MED14: variants seen among roughly 807,000 people sequenced by gnomAD.
MED14 encodes mediator of RNA polymerase II transcription subunit 14.
Under a neutral mutation model 109.0 loss-of-function variants are expected in MED14, and 8 were observed. The ratio of observed to expected loss-of-function variants is 0.07; its 90% CI spans 0.04 to 0.13. The LOEUF (loss-of-function observed/expected upper bound fraction) is 0.13, where lower values mean the gene tolerates loss of function less well. Among genes scored for constraint, MED14 ranks in the 10% least tolerant of loss-of-function variants. MED14 has a pLI of 1.00. For synonymous variants in MED14, 399 were observed against 408.7 expected (o/e 0.98, Z 0.29); for missense variants, 711 against 1,142.4 (o/e 0.62, Z 5.44).
chrX:40,713,732 C>T (rs1181195496), intron 5 of MED14, 46 bp downstream of exon 5: 2 of 1,194,193 alleles, frequency 1.7e-6, no homozygotes, highest in Admixed American at 2.2e-5. Flanking sequence ...CATGAGCCAC[C>T]GCACCTGGCC....
chrX:40,704,471 C>T (rs2146696951), intron 10 of MED14, among the ~76,000 whole-genome samples: 1 of 112,157 alleles, frequency 8.9e-6, no homozygotes, highest in South Asian at 3.7e-4. Flanking sequence ...GCAGGCCTTT[C>T]ACCAGGCGTG....
At position 40,662,863 on chromosome X, in the gene MED14, C is replaced by A. The variant is rs1929339633; in HGVS notation, c.3684+62G>T. ...TCACGTTAGTTCAGATCCTATCCTGCAGGACAATTTAGCATTTTACCCTTA... is the reference window on the plus strand; with the variant it reads ...TCACGTTAGTTCAGATCCTATCCTGAAGGACAATTTAGCATTTTACCCTTA... On this transcript the variant is annotated intron_variant, in intron 26 of 30. Coordinates refer to ENST00000324817, the MANE Select transcript of MED14 (RefSeq NM_004229.4). 4.6e-6 allele frequency: 4 copies of A among 872,864 alleles called. No individual in the cohort carries two copies. In the East Asian group the frequency reaches 1.3e-4, roughly 29 times the overall value. 71.9% of individuals were successfully genotyped at this position (872,864 alleles called of 1,213,427 possible). A position where few individuals can be genotyped will look rare whatever the true frequency, so the allele number is the denominator to read the frequency against.
chrX:40,726,993 C>A, intron 2 of MED14, 142 bp from the exon 3 acceptor site: 1 of 477,503 alleles, frequency 2.1e-6, no homozygotes. Context: ...AAATATTTAT[C>A]TAAATATGAA....
chrX:40,649,797 AT>A lies in MED14; in HGVS notation c.*2008del. The A allele has an allele frequency of 1.2e-6, 1 of 809,712 alleles. No homozygotes were observed. The highest frequency in any genetic ancestry group is 1.5e-6 in the Non-Finnish European group (1 of 667,449). 66.7% of individuals were successfully genotyped at this position (809,712 alleles called of 1,213,427 possible). On this transcript the variant is annotated 3_prime_UTR_variant, in exon 31 of 31. Coordinates refer to ENST00000324817, the MANE Select transcript of MED14 (RefSeq NM_004229.4). ...TACCAAGCATAATATAAAAATTCAA[AT>A]TCATGGGTTTACTCTTAATAAGCAT...
At chrX:40,683,313 A>C (rs779628573) in intron 16 of MED14, among the ~76,000 whole-genome samples, 23 of 112,107 alleles carry the variant, frequency 2.1e-4, no homozygotes, top group African/African-American at 7.1e-4. Context: ...ATCCTCAAGG[A>C]AAAGCTAAGG....
chrX:40,672,007 CCAACCG>C (rs750401300), intron 22 of MED14, 35 bp from the exon 23 acceptor site: 3 of 912,328 alleles, frequency 3.3e-6, no homozygotes, highest in Middle Eastern at 5.4e-4. Flanking sequence ...GGTAAAATGG[CCAACCG>C]CACGGAGCAT....
At chrX:40,733,164 G>A (rs1295453934) in intron 1 of MED14, among the ~76,000 whole-genome samples, 1 of 107,258 alleles carries the variant, frequency 9.3e-6, no homozygotes, top group African/African-American at 3.4e-5. Context: ...GAGTGCAGTG[G>A]TGCGAACATG....
intron 1 of MED14, among the ~76,000 whole-genome samples, chrX:40,731,389 C>T (rs1245035469): frequency 2.7e-5 from 3 of 111,220 alleles, no homozygotes; most frequent in African/African-American, 6.5e-5. Context: ...AAGTATACCT[C>T]GAACACTGGC....
intron 6 of MED14, among the ~76,000 whole-genome samples, 181 bp from the exon 7 acceptor site, chrX:40,712,474 A>C (rs1307226218): frequency 8.9e-6 from 1 of 112,255 alleles, no homozygotes; most frequent in Non-Finnish European, 1.9e-5. Context: ...GGCAGTTACA[A>C]TTATAAAACT....
At chrX:40,656,907 A>G (rs891974242) in intron 28 of MED14, among the ~76,000 whole-genome samples, 1 of 112,017 alleles carries the variant, frequency 8.9e-6, no homozygotes, top group Non-Finnish European at 1.9e-5. Context: ...TTATTTTTTG[A>G]GACGGAGTCT....
chrX:40,735,830 T>C (rs190809214), upstream of MED14: 7 of 319,365 alleles, frequency 2.2e-5, no homozygotes, highest in Admixed American at 2.0e-4. Context: ...ACCGCAGCGC[T>C]GGGGGGCGCG....
chrX:40,732,685 C>CA (rs1388922000), intron 1 of MED14, among the ~76,000 whole-genome samples: 1 of 110,220 alleles, frequency 9.1e-6, no homozygotes, highest in African/African-American at 3.3e-5. Context: ...GAGGCTGAGG[C>CA]AGGAGGAGCA....
At chrX:40,666,173 C>T (rs754801326) in intron 24 of MED14, among the ~76,000 whole-genome samples, 1 of 111,715 alleles carries the variant, frequency 9.0e-6, no homozygotes, top group South Asian at 3.7e-4. Context: ...CATGTATTTG[C>T]TTGTGTATGC....
rs1293978950 is a variant in MED14 at position 40,650,740 on chromosome X, T to A, written c.*1066A>T. On this transcript the variant is annotated 3_prime_UTR_variant, in exon 31 of 31. Transcript: ENST00000324817. ...GGTTTCTTCCAAGCAAAACATTCTATCGTTTTGTTGACAATGAATTAAATT... is the reference window on the plus strand; with the variant it reads ...GGTTTCTTCCAAGCAAAACATTCTAACGTTTTGTTGACAATGAATTAAATT... 1.3e-6 allele frequency: 1 copy of A among 751,906 alleles called. No individual in the cohort carries two copies. The allele number at this position is 751,906 out of a possible 1,213,427, so 62.0% of individuals were successfully genotyped here. A position where few individuals can be genotyped will look rare whatever the true frequency, so the allele number is the denominator to read the frequency against.
At chrX:40,695,076 G>C (rs1009799599) in intron 13 of MED14, among the ~76,000 whole-genome samples, 7 of 111,683 alleles carry the variant, frequency 6.3e-5, no homozygotes, top group African/African-American at 2.3e-4. Context: ...GAATGTCAAA[G>C]GTATTATGCT....
intron 10 of MED14, among the ~76,000 whole-genome samples, chrX:40,706,627 AT>A (rs1931152325): frequency 8.9e-6 from 1 of 111,977 alleles, no homozygotes; most frequent in Admixed American, 9.5e-5. Flanking sequence ...ACAAAAAGGA[AT>A]TTTACACTTG....
intron 28 of MED14, among the ~76,000 whole-genome samples, chrX:40,658,603 C>A (rs1312093437): frequency 9.4e-6 from 1 of 106,191 alleles, no homozygotes; most frequent in African/African-American, 3.5e-5. Flanking sequence ...GTAATCCCAG[C>A]ACTTTGGGAG....
chrX:40,733,440 C>T (rs1932150133), intron 1 of MED14, among the ~76,000 whole-genome samples: 1 of 111,923 alleles, frequency 8.9e-6, no homozygotes, highest in Admixed American at 9.5e-5. Context: ...GATGGGGAAC[C>T]ATCGAAGGGT....
chrX:40,678,578 G>C (rs1929996452), intron 21 of MED14, among the ~76,000 whole-genome samples: 1 of 110,998 alleles, frequency 9.0e-6, no homozygotes. Flanking sequence ...ACTGAGAGCA[G>C]CCTGGAAGGG....
Sources: gnomAD v4.1 joint callset for allele counts (sites outside exome capture counted in the v4.1 genomes callset) on GRCh38, gnomAD v4.1.1 for gene constraint, MANE v1.5 for transcripts, NCBI Gene and HGNC (gene_info 2026-07-23, HGNC 2026-07-21) for gene names.